AAK1: variants seen among roughly 807,000 people sequenced by gnomAD.
AAK1 encodes the protein AP2-associated protein kinase 1.
In AAK1, 37 loss-of-function variants were observed where a neutral mutation model predicts 116.0. That is an observed-to-expected ratio of 0.32 (90% CI 0.25 to 0.42). The LOEUF is 0.42. Among genes scored for constraint, AAK1 ranks in the 10% least tolerant of loss-of-function variants. AAK1 has a pLI of 1.00. For synonymous variants in AAK1, 458 were observed against 439.9 expected (o/e 1.04, Z -0.51); for missense variants, 919 against 1,170.6 (o/e 0.79, Z 3.14).
intron 5 of AAK1, among the ~76,000 whole-genome samples, chr2:69,538,930 T>C (rs934106658): frequency 2.6e-5 from 4 of 152,026 alleles, no homozygotes; most frequent in Non-Finnish European, 5.9e-5. Flanking sequence ...TCTGAGAACA[T>C]GGGAATATTA....
At chr2:69,484,868 C>CA (rs1402777703) in intron 17 of AAK1, among the ~76,000 whole-genome samples, 230 of 106,060 alleles carry the variant, frequency 2.2e-3, no homozygotes, top group Middle Eastern at 0.012. Flanking sequence ...GAGTGAGTCT[C>CA]AAAAAAAAAA....
At chr2:69,554,105 G>C (rs937465766) in intron 3 of AAK1, among the ~76,000 whole-genome samples, 2 of 151,500 alleles carry the variant, frequency 1.3e-5, no homozygotes, top group Non-Finnish European at 2.9e-5. Context: ...CTGGAGGATC[G>C]GCTCCAACAA....
chr2:69,478,033 A>G (rs1674917210), intron 20 of AAK1, among the ~76,000 whole-genome samples: 1 of 152,220 alleles, frequency 6.6e-6, no homozygotes, highest in Non-Finnish European at 1.5e-5. Context: ...AGGATTTCAG[A>G]CCACTATTAA....
Position 69,459,365 on chromosome 2 carries a change from G to C in AAK1, c.*16504C>G, listed in dbSNP as rs1574176789. On this transcript the variant is annotated 3_prime_UTR_variant, in exon 22 of 22. Coordinates refer to ENST00000409085, the MANE Select transcript of AAK1 (RefSeq NM_014911.5). ...TGCAACCTCTGCCTCCCGTGCTCAA[G>C]CCATCCTCCCACCTAAGCCTCCCAA... 1 of 152,526 alleles carries C rather than the reference G, an allele frequency of 6.6e-6. No homozygotes were observed. Among genetic ancestry groups the C allele is most frequent in the Middle Eastern group, 3.4e-3 (1 of 298 alleles). 9.4% of individuals were successfully genotyped at this position (152,526 alleles called of 1,614,324 possible).
chr2:69,551,740 T>G (rs1671191331), intron 3 of AAK1, among the ~76,000 whole-genome samples: 1 of 152,124 alleles, frequency 6.6e-6, no homozygotes, highest in Admixed American at 6.6e-5. Flanking sequence ...GGATCAGAAG[T>G]CCAAAACCTA....
At chr2:69,503,492 T>C (rs1676055082) in intron 16 of AAK1, among the ~76,000 whole-genome samples, 2 of 152,192 alleles carry the variant, frequency 1.3e-5, no homozygotes, top group African/African-American at 2.4e-5. Context: ...GGATATATCA[T>C]ACATCTGGTG....
chr2:69,560,091 A>G (rs1671569167), intron 2 of AAK1, among the ~76,000 whole-genome samples: 2 of 152,234 alleles, frequency 1.3e-5, no homozygotes, highest in East Asian at 3.8e-4. Flanking sequence ...TCAAGCATCT[A>G]TGCCTATAAA....
intron 17 of AAK1, among the ~76,000 whole-genome samples, chr2:69,494,087 G>C (rs1025052367): frequency 1.3e-5 from 2 of 152,256 alleles, no homozygotes; most frequent in Middle Eastern, 3.4e-3. Flanking sequence ...AGTCTGGTCT[G>C]ACAGATCAGA....
At chr2:69,525,565 G>C (rs1302515191) in intron 9 of AAK1, among the ~76,000 whole-genome samples, 1 of 152,204 alleles carries the variant, frequency 6.6e-6, no homozygotes, top group Non-Finnish European at 1.5e-5. Context: ...GAGTCTGCAA[G>C]TTAGAATGCT....
chr2:69,511,769 T>C (rs1365277361), intron 13 of AAK1, among the ~76,000 whole-genome samples: 5 of 151,906 alleles, frequency 3.3e-5, no homozygotes, highest in Admixed American at 1.3e-4. Context: ...AGGAAAGGAG[T>C]TGGATAGTTT....
chr2:69,642,561 C>A (rs1675787625), intron 2 of AAK1, among the ~76,000 whole-genome samples: 1 of 152,086 alleles, frequency 6.6e-6, no homozygotes, highest in South Asian at 2.1e-4. Context: ...CATCACCCTG[C>A]CTTTGGCATA....
chr2:69,476,331 A>C (rs1296049606), intron 21 of AAK1, among the ~76,000 whole-genome samples: 3 of 152,174 alleles, frequency 2.0e-5, no homozygotes, highest in African/African-American at 7.2e-5. Flanking sequence ...AGTAAAAATC[A>C]ATAATTTTTG....
At chr2:69,621,779 C>CA (rs1674640214) in intron 2 of AAK1, among the ~76,000 whole-genome samples, 1 of 152,232 alleles carries the variant, frequency 6.6e-6, no homozygotes, top group African/African-American at 2.4e-5. Context: ...TAACACTGCT[C>CA]AGTGGGTGCC....
chr2:69,593,618 T>A (rs1164784941), intron 2 of AAK1, among the ~76,000 whole-genome samples: 1 of 152,192 alleles, frequency 6.6e-6, no homozygotes, highest in African/African-American at 2.4e-5. Flanking sequence ...ATGGGTGATA[T>A]GAGTTGTTTT....
rs2104854639 is a variant in AAK1 at position 69,462,833 on chromosome 2, T to G, written c.*13036A>C. On this transcript the variant is annotated 3_prime_UTR_variant, in exon 22 of 22. Coordinates refer to ENST00000409085, the MANE Select transcript of AAK1 (RefSeq NM_014911.5). ...CATTAGCCGAAATTATTCATTCAAC[T>G]AGAAAGACAATTTTGCATCCACTAA... 1 of 152,276 alleles carries G rather than the reference T, an allele frequency of 6.6e-6. No homozygotes were observed. The highest frequency in any genetic ancestry group is 1.9e-4 in the East Asian group (1 of 5,190). 9.4% of individuals were successfully genotyped at this position (152,276 alleles called of 1,614,324 possible).
chr2:69,557,225 T>A (rs77632724), intron 2 of AAK1, among the ~76,000 whole-genome samples: 1 of 151,924 alleles, frequency 6.6e-6, no homozygotes, highest in Non-Finnish European at 1.5e-5. Context: ...AACAAAAGAA[T>A]AGTAATTATT....
rs547331866 is a variant in AAK1, at chr2:69,643,663, G to A, written c.-323C>T. On this transcript the variant is annotated 5_prime_UTR_variant, in exon 1 of 22. Coordinates refer to ENST00000409085, the MANE Select transcript of AAK1 (RefSeq NM_014911.5). The stretch of plus-strand genomic sequence containing the variant: ...CGGCCTGCGACGCAGAGAAGAGGCG[G>A]CGCTGCAGCGAGAGCCGGGGCCGCG... 1.4e-4 allele frequency: 174 copies of A among 1,225,988 alleles called. 1 individual carries two copies. The East Asian group carries it at 4.7e-3, about 33-fold the overall frequency. 75.9% of individuals were successfully genotyped at this position (1,225,988 alleles called of 1,614,324 possible).
rs1262110844 is a variant in AAK1 at position 69,544,675 on chromosome 2, CA to C, written c.283-132del. 4.4e-6 allele frequency: 3 copies of C among 675,140 alleles called. No homozygotes were observed. The Admixed American group carries it at 8.2e-5, about 19-fold the overall frequency. The allele number at this position is 675,140 out of a possible 1,614,324, so 41.8% of individuals were successfully genotyped here. A position where few individuals can be genotyped will look rare whatever the true frequency, so the allele number is the denominator to read the frequency against. The stretch of plus-strand genomic sequence containing the variant: ...AGTGTTGACAGAGAAGACTAAGGAG[CA>C]AAGTCAAGAACAGGTTTCCAGTGGT... On this transcript the variant is annotated intron_variant, in intron 3 of 21. Coordinates refer to ENST00000409085, the MANE Select transcript of AAK1 (RefSeq NM_014911.5).
chr2:69,620,207 T>C (rs994760747), intron 2 of AAK1, among the ~76,000 whole-genome samples: 1 of 152,190 alleles, frequency 6.6e-6, no homozygotes, highest in African/African-American at 2.4e-5. Flanking sequence ...CAGGATTTTC[T>C]GATAAACTGA....
Sources: gnomAD v4.1 joint callset for allele counts (sites outside exome capture counted in the v4.1 genomes callset) on GRCh38, gnomAD v4.1.1 for gene constraint, MANE v1.5 for transcripts, NCBI Gene and HGNC (gene_info 2026-07-23, HGNC 2026-07-21) for gene names.